Variants in TMEM164 observed in about 807,000 individuals in gnomAD.
The protein encoded by TMEM164 is transmembrane protein 164, also known as RP13-360B22.2.
TMEM164 carries 4 observed loss-of-function variants against 18.8 expected under a neutral mutation model. That is an observed-to-expected ratio of 0.21 (90% CI 0.10 to 0.49). The LOEUF is 0.49. Among genes scored for constraint, TMEM164 ranks in the 20% least tolerant of loss-of-function variants. The probability of loss-of-function intolerance (pLI) is 0.98; values close to 1 mark genes in which losing one functional copy is unlikely to be tolerated. For synonymous variants in TMEM164, 86 were observed against 101.7 expected, an observed-to-expected ratio of 0.85 and a Z score of 0.93; for missense variants, 108 against 239.9, an observed-to-expected ratio of 0.45 and a Z score of 3.63.
intron 3 of TMEM164, among the ~76,000 whole-genome samples, chrX:110,104,696 T>C (rs2066160351): frequency 8.9e-6 from 1 of 112,195 alleles, no homozygotes; most frequent in East Asian, 2.8e-4. Flanking sequence ...ATGACTTTCT[T>C]AATATTTTCT....
intron 2 of TMEM164, among the ~76,000 whole-genome samples, chrX:110,029,333 G>A (rs949204358): frequency 3.6e-5 from 4 of 111,506 alleles, no homozygotes; most frequent in African/African-American, 1.3e-4. Flanking sequence ...CTTCTGGTTG[G>A]TCAGACATGT....
downstream of TMEM164, among the ~76,000 whole-genome samples, chrX:110,179,470 A>G (rs191139133): frequency 1.6e-4 from 18 of 112,118 alleles, no homozygotes; most frequent in East Asian, 2.8e-3. Flanking sequence ...CACACTCCCA[A>G]AAGAAGCATG....
At chrX:110,171,683 C>G (rs2067233219) in intron 6 of TMEM164, among the ~76,000 whole-genome samples, 163 bp downstream of exon 6, 1 of 112,387 alleles carries the variant, frequency 8.9e-6, no homozygotes, top group Non-Finnish European at 1.9e-5. Context: ...TGATCTACAG[C>G]CTTGGCCTCT....
intron 4 of TMEM164, among the ~76,000 whole-genome samples, chrX:110,113,640 A>G (rs2066321996): frequency 8.9e-6 from 1 of 112,210 alleles, no homozygotes; most frequent in Non-Finnish European, 1.9e-5. Context: ...ACACAAAGAC[A>G]GAGTGACAGG....
At chrX:110,064,823 A>C (rs781373576) in intron 2 of TMEM164, among the ~76,000 whole-genome samples, 31 of 107,873 alleles carry the variant, frequency 2.9e-4, no homozygotes, top group Non-Finnish European at 5.4e-4. Flanking sequence ...CAAAAAAATA[A>C]AAATAAAAAT....
intron 2 of TMEM164, among the ~76,000 whole-genome samples, chrX:110,030,450 G>A (rs1223321333): frequency 1.1e-4 from 11 of 97,071 alleles, no homozygotes; most frequent in Non-Finnish European, 2.1e-4. Flanking sequence ...ATTTTTTTTC[G>A]TGTTTTTAAA....
In TMEM164 at chrX:110,121,961, C is replaced by T. The variant is rs750103708; in HGVS notation, c.507+12815C>T. 4.2e-3 allele frequency among the ~76,000 whole-genome samples: 465 copies of T among 111,984 alleles called. 6 individuals are homozygous for T. Among genetic ancestry groups the T allele is most frequent in the African/African-American group, 0.014 (438 of 30,812 alleles). ...AAGTGTTTCAGATTTTGGAATGCTG[C>T]ACTTTGTACTTACCAGTTGAGCATC... On this transcript the variant is annotated intron_variant, in intron 4 of 6. Transcript: ENST00000372068.
intron 3 of TMEM164, among the ~76,000 whole-genome samples, chrX:110,093,445 C>T (rs2065964381): frequency 8.9e-6 from 1 of 111,955 alleles, no homozygotes; most frequent in Admixed American, 9.5e-5. Flanking sequence ...GGAATTTATC[C>T]ATTTCTTCTA....
rs745700085 is a variant in TMEM164, at chrX:110,131,099, A to G, written c.508-13699A>G. On this transcript the variant is annotated intron_variant, in intron 4 of 6. Coordinates refer to ENST00000372068, the MANE Select transcript of TMEM164 (RefSeq NM_032227.4). ...TAAAGCAGAGGTCATGGGGATTGTT[A>G]GGGGGAGATGTTAGAAGTAACAGGC... Among the ~76,000 whole-genome samples, 62 of 111,927 alleles carry G rather than the reference A, an allele frequency of 5.5e-4. 1 individual carries two copies. Among genetic ancestry groups the G allele is most frequent in the African/African-American group, 2.0e-3 (62 of 30,824 alleles).
intron 2 of TMEM164, among the ~76,000 whole-genome samples, chrX:110,023,311 A>C (rs1442321710): frequency 9.1e-6 from 1 of 109,571 alleles, no homozygotes; most frequent in Admixed American, 9.7e-5. Context: ...TGACTTTTCT[A>C]CTTCAGTTCC....
chrX:110,181,123 TCA>T (rs2067322150), downstream of TMEM164, among the ~76,000 whole-genome samples: 1 of 111,400 alleles, frequency 9.0e-6, no homozygotes. Flanking sequence ...TTTAAAAATC[TCA>T]GTCCCCAGGC....
intron 2 of TMEM164, among the ~76,000 whole-genome samples, chrX:110,039,622 G>A (rs1367686531): frequency 8.9e-6 from 1 of 111,966 alleles, no homozygotes; most frequent in Non-Finnish European, 1.9e-5. Context: ...GTGAGGGCGG[G>A]GGATGGATAT....
At chrX:110,068,658 TAC>T (rs2065536146) in intron 3 of TMEM164, among the ~76,000 whole-genome samples, 1 of 112,080 alleles carries the variant, frequency 8.9e-6, no homozygotes, top group Non-Finnish European at 1.9e-5. Flanking sequence ...GGTTTATTGA[TAC>T]ATTCATATAG....
intron 2 of TMEM164, among the ~76,000 whole-genome samples, chrX:110,035,776 ATT>A (rs386417395): frequency 3.2e-5 from 3 of 94,198 alleles, no homozygotes; most frequent in Non-Finnish European, 2.2e-5. Flanking sequence ...ATGTGCTCCT[ATT>A]TTTTTTTTTT....
chrX:110,014,252 G>T (rs1933179298), intron 2 of TMEM164, among the ~76,000 whole-genome samples: 1 of 111,048 alleles, frequency 9.0e-6, no homozygotes, highest in African/African-American at 3.3e-5. Context: ...GGTGCCTGTT[G>T]TTGCAATAAG....
downstream of TMEM164, among the ~76,000 whole-genome samples, chrX:110,183,467 A>G (rs2067330703): frequency 8.9e-6 from 1 of 112,584 alleles, no homozygotes. Flanking sequence ...CAGTTTGCTC[A>G]TCTACAAAAT....
intron 4 of TMEM164, among the ~76,000 whole-genome samples, chrX:110,131,833 A>C (rs989019995): frequency 8.9e-6 from 1 of 112,233 alleles, no homozygotes; most frequent in Non-Finnish European, 1.9e-5. Context: ...TATACTCAAA[A>C]CATCTTTCTT....
intron 4 of TMEM164, among the ~76,000 whole-genome samples, chrX:110,139,432 G>C (rs2066737700): frequency 9.0e-6 from 1 of 111,668 alleles, no homozygotes; most frequent in African/African-American, 3.3e-5. Flanking sequence ...CCTCAGCTGA[G>C]AGCGAGGATG....
intron 3 of TMEM164, among the ~76,000 whole-genome samples, chrX:110,095,603 G>A (rs1289332689): frequency 9.0e-6 from 1 of 111,650 alleles, no homozygotes. Context: ...AAGGTTTTTA[G>A]CTTCTTTGCG....
Sources: allele counts gnomAD v4.1 joint callset (sites outside exome capture counted in the v4.1 genomes callset), GRCh38; gene constraint gnomAD v4.1.1; transcripts MANE v1.5; gene names NCBI Gene and HGNC (gene_info 2026-07-23, HGNC 2026-07-21).